Variants in GRM7 observed in about 807,000 individuals in gnomAD.
GRM7 encodes the protein glutamate metabotropic receptor 7, also known as metabotropic glutamate receptor 7.
In GRM7, 35 loss-of-function variants were observed where a neutral mutation model predicts 84.5. That is an observed-to-expected ratio of 0.41 (90% CI 0.32 to 0.55). The LOEUF is 0.55. GRM7 is among the 20% of genes least tolerant of loss of function. The pLI, the probability that GRM7 is intolerant of heterozygous loss-of-function variation, is 0.19. For synonymous variants in GRM7, 487 were observed against 455.1 expected (o/e 1.07, Z -0.89); for missense variants, 1,003 against 1,194.6 (o/e 0.84, Z 2.36).
Position 6,928,967 on chromosome 3 carries a change from C to G in GRM7, c.519+67060C>G, listed in dbSNP as rs1423526276. Among the ~76,000 whole-genome samples, 1 of 152,220 alleles carries G rather than the reference C, an allele frequency of 6.6e-6. No individual in the cohort carries two copies. The highest frequency in any genetic ancestry group is 1.9e-4 in the East Asian group (1 of 5,168). ...GTCAGTGCTTAGTTAATATCTTGCA[C>G]CACTTGGCTTCTGTAAGCAAATGAG... On this transcript the variant is annotated intron_variant, in intron 1 of 9. Coordinates refer to ENST00000357716, the MANE Select transcript of GRM7 (RefSeq NM_000844.4). The surrounding 1 kb of genome is among the most constrained non-coding windows in gnomAD (Gnocchi z 4.5).
At chr3:7,324,874 G>A (rs1429253239) in intron 4 of GRM7, among the ~76,000 whole-genome samples, 2 of 151,900 alleles carry the variant, frequency 1.3e-5, no homozygotes, top group Non-Finnish European at 2.9e-5. Context: ...TCTAACCTTG[G>A]CCCAGCACCT....
intron 1 of GRM7, among the ~76,000 whole-genome samples, chr3:6,995,155 T>G (rs1434080197): frequency 6.6e-6 from 1 of 152,254 alleles, no homozygotes; most frequent in Non-Finnish European, 1.5e-5. Flanking sequence ...TCAGCCAATC[T>G]ATTTTTGTCA....
At chr3:6,989,116 C>T (rs1204941797) in intron 1 of GRM7, among the ~76,000 whole-genome samples, 1 of 152,168 alleles carries the variant, frequency 6.6e-6, no homozygotes, top group Non-Finnish European at 1.5e-5. Flanking sequence ...CTGAAAGCAA[C>T]TATAAATTGA....
At chr3:7,558,160 A>G (rs1693856810) in intron 7 of GRM7, among the ~76,000 whole-genome samples, 1 of 152,134 alleles carries the variant, frequency 6.6e-6, no homozygotes, top group Non-Finnish European at 1.5e-5. Context: ...TATAAGATGT[A>G]TGACTTGGAT....
chr3:7,056,986 G>A (rs1008467096), intron 1 of GRM7, among the ~76,000 whole-genome samples: 5 of 151,844 alleles, frequency 3.3e-5, no homozygotes, highest in East Asian at 1.9e-4. Flanking sequence ...TCATTCTGCA[G>A]TACAACTAAA....
intron 2 of GRM7, among the ~76,000 whole-genome samples, chr3:7,178,150 G>A (rs1229745800): frequency 6.6e-6 from 1 of 152,158 alleles, no homozygotes; most frequent in Non-Finnish European, 1.5e-5. Flanking sequence ...TTTTATTAAA[G>A]CCAAAGTCAT....
At chr3:6,941,639 G>C (rs774823347) in intron 1 of GRM7, among the ~76,000 whole-genome samples, 9 of 152,214 alleles carry the variant, frequency 5.9e-5, no homozygotes, top group Non-Finnish European at 1.3e-4. Context: ...GCATTCTAAA[G>C]TCAAATGGAA....
intron 4 of GRM7, among the ~76,000 whole-genome samples, chr3:7,411,450 G>T (rs1695932193): frequency 6.6e-6 from 1 of 152,144 alleles, no homozygotes; most frequent in Non-Finnish European, 1.5e-5. Flanking sequence ...CCATATGTCT[G>T]TCTCCTCTCT....
intron 8 of GRM7, among the ~76,000 whole-genome samples, chr3:7,637,793 G>A (rs1698168509): frequency 6.6e-6 from 1 of 152,192 alleles, no homozygotes; most frequent in Non-Finnish European, 1.5e-5. Flanking sequence ...TGCAATATTA[G>A]CACTGAAATG....
chr3:6,890,896 C>G (rs1293441631), intron 1 of GRM7, among the ~76,000 whole-genome samples: 1 of 152,100 alleles, frequency 6.6e-6, no homozygotes, highest in Non-Finnish European at 1.5e-5. Context: ...TCAGGACTTG[C>G]TTTATGAACC....
intron 1 of GRM7, among the ~76,000 whole-genome samples, chr3:6,975,210 G>T (rs189860605): frequency 6.6e-6 from 1 of 152,056 alleles, no homozygotes; most frequent in African/African-American, 2.4e-5. Context: ...ATTCCCAATC[G>T]GATAATGAGG....
At chr3:7,056,907 A>G (rs531554745) in intron 1 of GRM7, among the ~76,000 whole-genome samples, 1 of 152,076 alleles carries the variant, frequency 6.6e-6, no homozygotes, top group East Asian at 1.9e-4. Flanking sequence ...GTCCTCATAG[A>G]TATCCTTATT....
chr3:7,314,438 A>G (rs556651138), intron 4 of GRM7, among the ~76,000 whole-genome samples: 1 of 152,178 alleles, frequency 6.6e-6, no homozygotes, highest in Non-Finnish European at 1.5e-5. Context: ...CCAGTTTTCA[A>G]GTGTTAACTG....
chr3:7,381,337 T>A (rs904143358), intron 4 of GRM7, among the ~76,000 whole-genome samples: 2 of 152,160 alleles, frequency 1.3e-5, no homozygotes, highest in Admixed American at 1.3e-4. Flanking sequence ...TCATTCATTC[T>A]TTTCCCTACT....
intron 2 of GRM7, among the ~76,000 whole-genome samples, chr3:7,296,935 A>G (rs1248323936): frequency 1.3e-5 from 2 of 151,928 alleles, no homozygotes; most frequent in Non-Finnish European, 2.9e-5. Flanking sequence ...GGTTTTCACA[A>G]TCATGCTCTG....
rs549693432 is a variant in GRM7, at chr3:7,040,549, C to T, written c.520-105903C>T. ...CGATCTCCTGACCTGGTGATCTGTC[C>T]ACCTCGGCCTCCCAAAGTGCTAGGA... On this transcript the variant is annotated intron_variant, in intron 1 of 9. Coordinates refer to ENST00000357716, the MANE Select transcript of GRM7 (RefSeq NM_000844.4). 2.0e-5 allele frequency among the ~76,000 whole-genome samples: 3 copies of T among 152,008 alleles called. No homozygotes were observed. In the East Asian group the frequency reaches 5.9e-4, roughly 30 times the overall value.
chr3:7,256,463 T>C (rs191604678), intron 2 of GRM7, among the ~76,000 whole-genome samples: 6 of 152,312 alleles, frequency 3.9e-5, no homozygotes, highest in African/African-American at 1.4e-4. Context: ...CACTTTTGTA[T>C]TAGAAAAAAG....
intron 1 of GRM7, among the ~76,000 whole-genome samples, chr3:6,867,703 T>A (rs1046571700): frequency 2.0e-5 from 3 of 152,210 alleles, no homozygotes; most frequent in Admixed American, 2.0e-4. Flanking sequence ...ATGATCTCTA[T>A]GTAAAATGAT....
intron 1 of GRM7, among the ~76,000 whole-genome samples, chr3:7,059,188 A>G (rs556670369): frequency 1.3e-5 from 2 of 151,800 alleles, no homozygotes; most frequent in Non-Finnish European, 2.9e-5. Flanking sequence ...TGTATTACAC[A>G]TATATGTAAC....
Sources: allele counts gnomAD v4.1 joint callset (sites outside exome capture counted in the v4.1 genomes callset), GRCh38; gene constraint gnomAD v4.1.1; non-coding constraint Gnocchi (gnomAD v3.1); transcripts MANE v1.5; gene names NCBI Gene and HGNC (gene_info 2026-07-23, HGNC 2026-07-21).